ANKRD36C: variants seen among roughly 807,000 people sequenced by gnomAD.
The protein encoded by ANKRD36C is ankyrin repeat domain-containing protein 36C.
Under a neutral mutation model 276.4 loss-of-function variants are expected in ANKRD36C, and 61 were observed. The ratio of observed to expected loss-of-function variants is 0.22; its 90% CI spans 0.18 to 0.27. The LOEUF is 0.27. ANKRD36C is among the 10% of genes least tolerant of loss of function. The pLI is 1.00. For synonymous variants in ANKRD36C, 483 were observed against 680.1 expected (o/e 0.71, Z 4.51); for missense variants, 1,447 against 2,032.3 (o/e 0.71, Z 5.54).
intron 64 of ANKRD36C, chr2:95,852,848 T>C (rs1319180666): frequency 6.6e-6 from 1 of 152,278 alleles, no homozygotes; most frequent in Non-Finnish European, 1.5e-5. Context: ...CCAAATAAGA[T>C]CCTACAGGAT....
chr2:95,974,599 C>T (rs114754263), intron 6 of ANKRD36C, among the ~76,000 whole-genome samples: 16 of 152,222 alleles, frequency 1.1e-4, no homozygotes, highest in Non-Finnish European at 1.9e-4. Context: ...TTACATTTTT[C>T]TCCATGATGT....
chr2:95,855,379 C>A lies in ANKRD36C; in HGVS notation c.4882G>T (p.Glu1628Ter). The change falls in exon 63 of 67, where the codon GAG becomes TAG. Residue 1628 changes from glutamate (E) to a stop codon, truncating the protein, a stop_gained. Transcript: ENST00000456556. LOFTEE classifies it high-confidence loss of function. ...AGTAAGAGACGGTGCTTTCTGCACT[C>A]AGCTTGAAGGTTTTCTACTCTAGCA... is the stretch of plus-strand genomic sequence containing the variant. The A allele has an allele frequency of 6.2e-7, 1 of 1,613,352 alleles. No homozygotes were observed. The highest frequency in any genetic ancestry group is 1.3e-5 in the African/African-American group (1 of 75,012).
rs1269835921 is a variant in ANKRD36C at position 95,975,623 on chromosome 2, A to G, written c.799+2499T>C. On this transcript the variant is annotated intron_variant, in intron 6 of 66. Coordinates refer to ENST00000456556, the Ensembl canonical transcript of ANKRD36C. ...CTTCCTTACATCTTATACAAAAATT[A>G]ATTCAAGATGGATTAAAGACTTACA... 3.9e-5 allele frequency among the ~76,000 whole-genome samples: 6 copies of G among 152,320 alleles called. No homozygotes were observed. The East Asian group carries it at 1.2e-3, about 29-fold the overall frequency.
chr2:95,889,825 G>C lies in ANKRD36C; in HGVS notation c.2933C>G (p.Thr978Arg), dbSNP rs1467949327. The change falls in exon 48 of 67, where the codon ACA becomes AGA. Residue 978 changes from threonine to arginine, a missense_variant. This residue lies in a region of ANKRD36C where 565 missense variants were observed against 539.5 expected (regional missense o/e 1.05). Coordinates refer to ENST00000456556, the Ensembl canonical transcript of ANKRD36C. ...TGTCCCAGATATTTGTTCATCCTTT[G>C]TTTCTGTGGCCATATTCGGAACAGA... The C allele has an allele frequency of 3.1e-6, 5 of 1,598,194 alleles. No individual in the cohort carries two copies. The African/African-American group carries it at 4.0e-5, about 13-fold the overall frequency.
At chr2:95,989,517 C>G (rs1166889122) in intron 1 of ANKRD36C, among the ~76,000 whole-genome samples, 2 of 151,696 alleles carry the variant, frequency 1.3e-5, no homozygotes, top group Non-Finnish European at 2.9e-5. Context: ...CCCATATTGT[C>G]CCATCCTATG....
chr2:95,889,996 T>C lies in ANKRD36C; in HGVS notation c.2858-2A>G. On this transcript the variant is annotated splice_acceptor_variant, in intron 46 of 66. Coordinates refer to ENST00000456556, the Ensembl canonical transcript of ANKRD36C. LOFTEE classifies it high-confidence loss of function. ...AGGCTGGTTGTTTATGAGAAGACAC[T>C]GAAAAGCAAAAAGGATACATAATCA... 6.2e-7 allele frequency: 1 copy of C among 1,608,718 alleles called. No homozygotes were observed. Among genetic ancestry groups the C allele is most frequent in the Non-Finnish European group, 8.5e-7 (1 of 1,176,530 alleles).
intron 24 of ANKRD36C, among the ~76,000 whole-genome samples, chr2:95,931,126 AC>A (rs981773106): frequency 1.3e-5 from 2 of 151,662 alleles, no homozygotes; most frequent in Non-Finnish European, 3.0e-5. Context: ...TATTTTCACC[AC>A]CACTGTATTG....
chr2:95,983,584 CATTTATTTATTTATTTATTT>C (rs201816275), intron 3 of ANKRD36C, among the ~76,000 whole-genome samples: 3 of 148,760 alleles, frequency 2.0e-5, no homozygotes, highest in African/African-American at 4.9e-5. Flanking sequence ...TTATTTGCAT[CATTTATTTATTTATTTATTT>C]ATTTATTTAT....
chr2:95,895,660 T>G, intron 44 of ANKRD36C, 70 bp from the exon 61 acceptor site: 3 of 1,566,122 alleles, frequency 1.9e-6, no homozygotes, highest in Non-Finnish European at 1.7e-6. Context: ...ATTCACACAG[T>G]GTTAGCATCA....
intron 42 of ANKRD36C, among the ~76,000 whole-genome samples, 182 bp downstream of exon 54, chr2:95,902,704 G>T (rs1676690929): frequency 6.7e-6 from 1 of 150,204 alleles, no homozygotes; most frequent in Admixed American, 6.7e-5. Flanking sequence ...TAATCTTACT[G>T]CGAAGATCAT....
At chr2:95,891,788 A>G in intron 45 of ANKRD36C, 44 bp downstream of exon 65, 1 of 1,559,872 alleles carries the variant, frequency 6.4e-7, no homozygotes, top group East Asian at 2.4e-5. Flanking sequence ...TGTTTCATAG[A>G]CTATACATTT....
intron 64 of ANKRD36C, chr2:95,852,499 C>G: frequency 3.6e-6 from 1 of 280,392 alleles, no homozygotes; most frequent in South Asian, 5.3e-5. Context: ...ACTATCTGGC[C>G]CTTTACAGAA....
At chr2:95,935,085 T>C (rs1677679479) in intron 24 of ANKRD36C, among the ~76,000 whole-genome samples, 2 of 152,294 alleles carry the variant, frequency 1.3e-5, no homozygotes, top group South Asian at 4.1e-4. Flanking sequence ...AACACAATTG[T>C]AATGTCAGCT....
At position 95,975,808 on chromosome 2, in the gene ANKRD36C, A is replaced by T. The variant is rs564868472; in HGVS notation, c.799+2314T>A. Reference sequence around the variant, plus strand: ...TAATTAAACGAAAGAGCTTCTGCCCATCAAAAGAAACTACCATCAGAGTGA... The same window carrying T: ...TAATTAAACGAAAGAGCTTCTGCCCTTCAAAAGAAACTACCATCAGAGTGA... On this transcript the variant is annotated intron_variant, in intron 6 of 66. Transcript: ENST00000456556. Among the ~76,000 whole-genome samples the T allele has an allele frequency of 4.2e-4, 64 of 152,362 alleles. No homozygotes were observed. The Middle Eastern group carries it at 0.01, about 24-fold the overall frequency.
chr2:95,849,678 C>A (rs1435072256), downstream of ANKRD36C, among the ~76,000 whole-genome samples: 1 of 152,106 alleles, frequency 6.6e-6, no homozygotes, highest in African/African-American at 2.4e-5. Flanking sequence ...ATGGTCCCAT[C>A]GTGAAGAGAA....
chr2:95,911,984 A>G (rs1465926392), intron 42 of ANKRD36C, among the ~76,000 whole-genome samples: 3 of 151,406 alleles, frequency 2.0e-5, no homozygotes, highest in Admixed American at 6.6e-5. Flanking sequence ...ACTATGCTGT[A>G]CCCCAGAGCC....
downstream of ANKRD36C, chr2:95,848,996 C>A: frequency 2.5e-6 from 1 of 405,668 alleles, no homozygotes. Context: ...AACAAAATAT[C>A]ATGTTAACAG....
At chr2:95,985,067 C>A (rs1679002026) in intron 3 of ANKRD36C, among the ~76,000 whole-genome samples, 1 of 152,100 alleles carries the variant, frequency 6.6e-6, no homozygotes, top group Non-Finnish European at 1.5e-5. Context: ...GATGTATTGA[C>A]CTAATCACCA....
chr2:95,886,879 A>C (rs1676214780), intron 50 of ANKRD36C, among the ~76,000 whole-genome samples: 1 of 151,684 alleles, frequency 6.6e-6, no homozygotes. Context: ...AGCCTTTTGA[A>C]CATTTCTTCA....
Sources: gnomAD v4.1 joint callset for allele counts (sites outside exome capture counted in the v4.1 genomes callset) on GRCh38, gnomAD v4.1.1 for gene constraint, gnomAD v4.1.1 regional missense constraint, MANE v1.5 for transcripts, NCBI Gene and HGNC (gene_info 2026-07-23, HGNC 2026-07-21) for gene names.